MEIS1: variants seen among roughly 807,000 people sequenced by gnomAD.
MEIS1 encodes Meis homeobox 1.
Under a neutral mutation model 50.8 loss-of-function variants are expected in MEIS1, and 5 were observed. That is an observed-to-expected ratio of 0.10 (90% CI 0.05 to 0.21). The LOEUF is 0.21. MEIS1 is among the 10% of genes least tolerant of loss of function. The pLI, the probability that MEIS1 is intolerant of heterozygous loss-of-function variation, is 1.00. For synonymous variants in MEIS1, 176 were observed against 179.3 expected (o/e 0.98, Z 0.15); for missense variants, 318 against 517.3 (o/e 0.61, Z 3.74).
At chr2:66,497,977 C>CT (rs147072293) in intron 7 of MEIS1, among the ~76,000 whole-genome samples, 1,833 of 151,668 alleles carry the variant, frequency 0.012, 23 homozygotes, top group African/African-American at 0.036. Context: ...CTTTACAAGG[C>CT]TTTTTTTGGG....
At chr2:66,543,961 G>T (rs2110976) in intron 8 of MEIS1, among the ~76,000 whole-genome samples, 150,445 of 152,350 alleles carry the variant, frequency 0.99, 74,321 homozygotes, top group Middle Eastern at 1. Context: ...CATCCATCTT[G>T]CCTTCACAAG....
chr2:66,473,414 A>ATATATATATATG (rs1270895401), intron 7 of MEIS1, among the ~76,000 whole-genome samples: 15 of 142,614 alleles, frequency 1.1e-4, no homozygotes, highest in African/African-American at 3.8e-4. Flanking sequence ...ATATATATAT[A>ATATATATATATG]TATAGTAATA....
At chr2:66,567,343 C>A in intron 9 of MEIS1, 110 bp from the exon 10 acceptor site, 1 of 1,121,278 alleles carries the variant, frequency 8.9e-7, no homozygotes, top group South Asian at 1.3e-5. Flanking sequence ...GAAGGAGTCC[C>A]ATTTTGCCAA....
chr2:66,476,173 T>G (rs1178818210), intron 7 of MEIS1, among the ~76,000 whole-genome samples: 2 of 152,128 alleles, frequency 1.3e-5, no homozygotes, highest in Non-Finnish European at 2.9e-5. Context: ...GAGGCTAAGA[T>G]GGGATGCCAG....
At position 66,524,348 on chromosome 2, in the gene MEIS1, G is replaced by A. The variant is rs1337548532; in HGVS notation, c.888+12054G>A. ...AGGCTGAGGAAGGAAGACTGCTTAA[G>A]CCCCGGAGTTCAAGACCAGCCTGGA... On this transcript the variant is annotated intron_variant, in intron 8 of 12. Transcript: ENST00000272369. Among the ~76,000 whole-genome samples, 10 of 152,154 alleles carry A rather than the reference G, an allele frequency of 6.6e-5. No individual in the cohort carries two copies. In the East Asian group the frequency reaches 1.4e-3, roughly 21 times the overall value.
chr2:66,535,996 A>AT (rs1222795485), intron 8 of MEIS1, among the ~76,000 whole-genome samples: 2 of 152,220 alleles, frequency 1.3e-5, no homozygotes, highest in Non-Finnish European at 2.9e-5. Flanking sequence ...GGTAAATTGC[A>AT]TTTGAATCTT....
At chr2:66,476,549 T>G (rs1188855766) in intron 7 of MEIS1, among the ~76,000 whole-genome samples, 1 of 152,182 alleles carries the variant, frequency 6.6e-6, no homozygotes, top group Admixed American at 6.5e-5. Context: ...ACAGACAGTT[T>G]AGTATATCAT....
chr2:66,521,289 TG>T (rs1003443318), intron 8 of MEIS1, among the ~76,000 whole-genome samples: 2 of 152,174 alleles, frequency 1.3e-5, no homozygotes, highest in African/African-American at 4.8e-5. Flanking sequence ...GATAGTGCTT[TG>T]GGGGGTGAAG....
chr2:66,454,477 C>T (rs1275230625), intron 6 of MEIS1, among the ~76,000 whole-genome samples: 1 of 151,960 alleles, frequency 6.6e-6, no homozygotes, highest in Non-Finnish European at 1.5e-5. Flanking sequence ...TATGTAAGGA[C>T]CCTGTGCTAA....
intron 7 of MEIS1, among the ~76,000 whole-genome samples, chr2:66,479,735 C>A (rs973276263): frequency 2.6e-5 from 4 of 152,154 alleles, no homozygotes; most frequent in Admixed American, 6.5e-5. Flanking sequence ...CAGAAATGCA[C>A]TGGGGGATAA....
intron 8 of MEIS1, among the ~76,000 whole-genome samples, chr2:66,530,660 GAGCCGCGATT>G (rs1674369631): frequency 6.6e-6 from 1 of 151,418 alleles, no homozygotes; most frequent in African/African-American, 2.4e-5. Flanking sequence ...AGCTTGCAGT[GAGCCGCGATT>G]GCGCCACTGC....
chr2:66,493,696 A>G (rs1398602592), intron 7 of MEIS1, among the ~76,000 whole-genome samples: 1 of 152,158 alleles, frequency 6.6e-6, no homozygotes, highest in African/African-American at 2.4e-5. Flanking sequence ...AAATGTTCCT[A>G]ACTGTCTGAC....
At chr2:66,486,380 T>C (rs1404441479) in intron 7 of MEIS1, among the ~76,000 whole-genome samples, 1 of 152,204 alleles carries the variant, frequency 6.6e-6, no homozygotes, top group African/African-American at 2.4e-5. Flanking sequence ...CTTGTTTTTG[T>C]CAGGTTTGTC....
At chr2:66,447,313 G>A (rs7557151) in intron 6 of MEIS1, among the ~76,000 whole-genome samples, 1,620 of 152,266 alleles carry the variant, frequency 0.011, 29 homozygotes, top group African/African-American at 0.038. Context: ...ATGCTTCGTA[G>A]GTTCCCACTT....
chr2:66,468,257 G>A (rs945762411), intron 7 of MEIS1, among the ~76,000 whole-genome samples: 1 of 152,144 alleles, frequency 6.6e-6, no homozygotes, highest in Non-Finnish European at 1.5e-5. Context: ...TCTAGGAACT[G>A]TGTGTTTTGG....
At chr2:66,529,276 T>C (rs1279739647) in intron 8 of MEIS1, among the ~76,000 whole-genome samples, 3 of 152,168 alleles carry the variant, frequency 2.0e-5, no homozygotes, top group Non-Finnish European at 4.4e-5. Flanking sequence ...AGAGCTGTAC[T>C]ATAGATGCTT....
intron 9 of MEIS1, among the ~76,000 whole-genome samples, chr2:66,554,285 C>T (rs999559941): frequency 6.6e-6 from 1 of 152,204 alleles, no homozygotes; most frequent in Non-Finnish European, 1.5e-5. Context: ...CAACTTGTTG[C>T]AAATCCTAAT....
intron 7 of MEIS1, among the ~76,000 whole-genome samples, chr2:66,473,871 G>A (rs141562637): frequency 0.022 from 3,282 of 152,064 alleles, 44 homozygotes; most frequent in Middle Eastern, 0.078. Flanking sequence ...CCTCAACCCC[G>A]CAGACAACAA....
chr2:66,567,819 T>C, intron 10 of MEIS1: 1 of 573,170 alleles, frequency 1.7e-6, no homozygotes, highest in East Asian at 2.9e-5. Context: ...CCTTCCCAGC[T>C]CTTTCTGCTA....
Sources: allele counts gnomAD v4.1 joint callset (sites outside exome capture counted in the v4.1 genomes callset), GRCh38; gene constraint gnomAD v4.1.1; transcripts MANE v1.5; gene names NCBI Gene and HGNC (gene_info 2026-07-23, HGNC 2026-07-21).